Variants in FAM118A observed in about 807,000 individuals in gnomAD.
FAM118A encodes the protein SIR2 antiphage like 2.
In FAM118A, 25 loss-of-function variants were observed where a neutral mutation model predicts 38.2. The ratio of observed to expected loss-of-function variants is 0.65; its 90% CI spans 0.48 to 0.91. The LOEUF (loss-of-function observed/expected upper bound fraction) is 0.91. Ranked by LOEUF, FAM118A falls within the 40% of genes least tolerant of loss-of-function variation. FAM118A has a pLI of 0.00. For missense variants in FAM118A, 425 were observed against 463.3 expected, an observed-to-expected ratio of 0.92 and a Z score of 0.76; for synonymous variants, 178 against 184.1, an observed-to-expected ratio of 0.97 and a Z score of 0.27.
chr22:45,313,781 A>T (rs899592165), intron 1 of FAM118A, among the ~76,000 whole-genome samples: 1 of 152,198 alleles, frequency 6.6e-6, no homozygotes, highest in African/African-American at 2.4e-5. Flanking sequence ...ACCAAAATGT[A>T]ATGACTGTTG....
rs1256005407 is a variant in FAM118A, at chr22:45,323,216, T to C, written c.89T>C (p.Leu30Pro). ...CTCATCCGGAAACAGCCCCAGGAAC[T>C]GCTCCTGGTTATCGGGACTGGCGTC... ...KSLIRKQPQE[L>P]LLVIGTGVSA... Residue 30 changes from leucine (L) to proline (P), a missense_variant, in exon 3 of 9, where the codon CTG (leucine) becomes CCG (proline). Coordinates refer to ENST00000441876, the MANE Select transcript of FAM118A (RefSeq NM_017911.4). 3.1e-6 allele frequency: 5 copies of C among 1,613,950 alleles called. No homozygotes were observed. The highest frequency in any genetic ancestry group is 3.4e-6 in the Non-Finnish European group (4 of 1,179,796).
At chr22:45,337,868 G>A (rs2086216989) in intron 8 of FAM118A, 2 of 985,252 alleles carry the variant, frequency 2.0e-6, no homozygotes, top group South Asian at 4.7e-5. Flanking sequence ...CGGGAGTTTT[G>A]GCATGGGATT....
At chr22:45,328,526 G>C (rs1311553980) in intron 4 of FAM118A, 1 of 742,490 alleles carries the variant, frequency 1.3e-6, no homozygotes, top group Non-Finnish European at 2.5e-6. Flanking sequence ...CCGCTACTGG[G>C]GAGGCCGAGG....
At chr22:45,329,768 G>C (rs947180599) in intron 4 of FAM118A, 2 of 152,394 alleles carry the variant, frequency 1.3e-5, no homozygotes, top group South Asian at 2.1e-4. Context: ...CACTGCTGGG[G>C]CTTGCTGTTG....
intron 1 of FAM118A, among the ~76,000 whole-genome samples, chr22:45,311,864 G>T (rs2084382115): frequency 6.6e-6 from 1 of 152,134 alleles, no homozygotes; most frequent in South Asian, 2.1e-4. Context: ...TCCTGTCTGA[G>T]CCTGGGGTCT....
chr22:45,331,015 G>C (rs994087744), intron 5 of FAM118A, among the ~76,000 whole-genome samples: 3 of 152,334 alleles, frequency 2.0e-5, no homozygotes, highest in Non-Finnish European at 4.4e-5. Flanking sequence ...CTCTCTAGGA[G>C]CCCTGGCCAT....
chr22:45,337,716 T>G, intron 8 of FAM118A: 16 of 439,830 alleles, frequency 3.6e-5, no homozygotes, highest in Non-Finnish European at 4.8e-5. Flanking sequence ...TCCTTCTCTC[T>G]GAGATGGAGG....
At chr22:45,327,572 A>G (rs1210361184) in intron 3 of FAM118A, among the ~76,000 whole-genome samples, 3 of 152,104 alleles carry the variant, frequency 2.0e-5, no homozygotes, top group Non-Finnish European at 4.4e-5. Context: ...CTCTTCTCAG[A>G]GAGGCTTGCC....
Position 45,323,860 on chromosome 22 carries a change from A to T in FAM118A, c.300+433A>T, listed in dbSNP as rs148536944. Reference sequence around the variant, plus strand: ...AGCTTCTTTGTCTGCTGCAGAGATGATCTAGATGATCTAGTTGAGAGGAGA... The same window carrying T: ...AGCTTCTTTGTCTGCTGCAGAGATGTTCTAGATGATCTAGTTGAGAGGAGA... On this transcript the variant is annotated intron_variant, in intron 3 of 8. Transcript: ENST00000441876. Among the ~76,000 whole-genome samples, 18 of 152,358 alleles carry T rather than the reference A, an allele frequency of 1.2e-4. No individual in the cohort carries two copies. In the East Asian group the frequency reaches 2.5e-3, roughly 21 times the overall value.
intron 8 of FAM118A, 102 bp from the exon 9 acceptor site, chr22:45,340,284 T>C: frequency 7.1e-7 from 1 of 1,416,836 alleles, no homozygotes; most frequent in Non-Finnish European, 9.9e-7. Flanking sequence ...CTTCCGTACA[T>C]AAGAACAATT....
intron 1 of FAM118A, among the ~76,000 whole-genome samples, chr22:45,318,096 T>C (rs1316378390): frequency 1.3e-5 from 2 of 152,216 alleles, no homozygotes; most frequent in Non-Finnish European, 1.5e-5. Flanking sequence ...CTCCGTTTGA[T>C]GAACGTTTAC....
At chr22:45,330,123 C>T (rs1309184966) in intron 4 of FAM118A, among the ~76,000 whole-genome samples, 1 of 152,192 alleles carries the variant, frequency 6.6e-6, no homozygotes, top group Non-Finnish European at 1.5e-5. Flanking sequence ...CCCCATAGCC[C>T]ACCTAAAGTA....
At chr22:45,320,930 C>T (rs2084840867) in intron 1 of FAM118A, among the ~76,000 whole-genome samples, 1 of 152,200 alleles carries the variant, frequency 6.6e-6, no homozygotes, top group South Asian at 2.1e-4. Context: ...GCTTTGTGCA[C>T]TAAGTCGGTG....
rs556299209 is a variant in FAM118A, at chr22:45,341,461, T to C, written c.*1056T>C. 1 of 152,374 alleles carries C rather than the reference T, an allele frequency of 6.6e-6. No individual in the cohort carries two copies. The highest frequency in any genetic ancestry group is 1.5e-5 in the Non-Finnish European group (1 of 68,052). The allele number at this position is 152,374 out of a possible 1,614,324, so 9.4% of individuals were successfully genotyped here. Reference sequence around the variant, plus strand: ...CCAGGCTTTGCAAGTCTTTATTCTCTGGGGTAATATCCAGTCTTTCTGTTA... The same window carrying C: ...CCAGGCTTTGCAAGTCTTTATTCTCCGGGGTAATATCCAGTCTTTCTGTTA... On this transcript the variant is annotated 3_prime_UTR_variant, in exon 9 of 9. Coordinates refer to ENST00000441876, the MANE Select transcript of FAM118A (RefSeq NM_017911.4).
intron 1 of FAM118A, among the ~76,000 whole-genome samples, chr22:45,317,495 G>A (rs556837400): frequency 3.5e-4 from 54 of 152,336 alleles, no homozygotes; most frequent in African/African-American, 1.3e-3. Flanking sequence ...TGGAAAGCGA[G>A]TAATTTAAGG....
At chr22:45,325,707 A>G (rs902003644) in intron 3 of FAM118A, among the ~76,000 whole-genome samples, 1 of 152,114 alleles carries the variant, frequency 6.6e-6, no homozygotes, top group Non-Finnish European at 1.5e-5. Context: ...ATGGACCAGG[A>G]CTATTGGAGG....
rs139058331 is a variant in FAM118A at position 45,323,339 on chromosome 22, C to G, written c.212C>G (p.Pro71Arg). 6 of 1,614,150 alleles carry G rather than the reference C, an allele frequency of 3.7e-6. No individual in the cohort carries two copies. Among genetic ancestry groups the G allele is most frequent in the East Asian group, 2.2e-5 (1 of 44,884 alleles). ...EAAEQLEVLH[P>R]GDVAEFRRKV... Reference sequence around the variant, plus strand: ...GCAGAGCAGCTGGAGGTGCTGCACCCCGGAGACGTCGCCGAGTTCCGGAGG... The same window carrying G: ...GCAGAGCAGCTGGAGGTGCTGCACCGCGGAGACGTCGCCGAGTTCCGGAGG... The change falls in exon 3 of 9, where the codon CCC (proline) becomes CGC (arginine). Residue 71 changes from proline (P) to arginine (R), a missense_variant. Physicochemically the swap from Pro to Arg is moderately radical, Grantham distance 103 (BLOSUM62 -2). Coordinates refer to ENST00000441876, the MANE Select transcript of FAM118A (RefSeq NM_017911.4).
At chr22:45,326,433 A>G (rs1482401353) in intron 3 of FAM118A, among the ~76,000 whole-genome samples, 1 of 152,214 alleles carries the variant, frequency 6.6e-6, no homozygotes, top group African/African-American at 2.4e-5. Context: ...CATGCCTGTA[A>G]TCCCAGCACT....
At chr22:45,335,275 C>A in intron 6 of FAM118A, 75 bp from the exon 7 acceptor site, 22 of 1,557,714 alleles carry the variant, frequency 1.4e-5, no homozygotes, top group Non-Finnish European at 1.9e-5. Context: ...CGTTCCCAGT[C>A]ACTGCCTCAG....
Sources: gnomAD v4.1 joint callset for allele counts (sites outside exome capture counted in the v4.1 genomes callset) on GRCh38, gnomAD v4.1.1 for gene constraint, MANE v1.5 for transcripts, NCBI Gene and HGNC (gene_info 2026-07-23, HGNC 2026-07-21) for gene names.